PCYOX1L: variants seen among roughly 807,000 people sequenced by gnomAD.
PCYOX1L encodes prenylcysteine oxidase 1 like.
A neutral mutation model predicts 44.1 loss-of-function variants in PCYOX1L; 40 were observed. The observed-to-expected ratio is 0.91, with a 90% CI of 0.70 to 1.18. The LOEUF is 1.18. PCYOX1L is among the 50% of genes most tolerant of loss of function. The pLI is 0.00. For synonymous variants in PCYOX1L, 266 were observed against 282.8 expected (o/e 0.94, Z 0.60); for missense variants, 605 against 653.3 (o/e 0.93, Z 0.81).
In PCYOX1L at chr5:149,368,827, T is replaced by G. The variant is rs562176837; in HGVS notation, c.*173T>G. Reference sequence around the variant, plus strand: ...CTATATTAAGGGTCCACACGGCGGCTGCTGCTTTTTTTTAAGGGGGAAAGT... The same window carrying G: ...CTATATTAAGGGTCCACACGGCGGCGGCTGCTTTTTTTTAAGGGGGAAAGT... On this transcript the variant is annotated 3_prime_UTR_variant, in exon 6 of 6. Transcript: ENST00000274569. 50 of 486,332 alleles carry G rather than the reference T, an allele frequency of 1.0e-4. No homozygotes were observed. The highest frequency in any genetic ancestry group is 8.4e-4 in the South Asian group (9 of 10,694). 30.1% of individuals were successfully genotyped at this position (486,332 alleles called of 1,614,324 possible). A position where few individuals can be genotyped will look rare whatever the true frequency, so the allele number is the denominator to read the frequency against.
intron 1 of PCYOX1L, among the ~76,000 whole-genome samples, chr5:149,360,800 CAAG>C (rs1757986530): frequency 6.6e-6 from 1 of 152,144 alleles, no homozygotes; most frequent in African/African-American, 2.4e-5. Flanking sequence ...CCTAGACAGA[CAAG>C]AAGGTGGCAT....
At position 149,368,442 on chromosome 5, in the gene PCYOX1L, C is replaced by T. The variant is rs1429561822; in HGVS notation, c.1273C>T (p.His425Tyr). The T allele has an allele frequency of 1.9e-6, 3 of 1,613,966 alleles. No individual in the cohort carries two copies. Among genetic ancestry groups the T allele is most frequent in the Non-Finnish European group, 2.5e-6 (3 of 1,179,978 alleles). ...YSVQTAEWQAHPLYGSRPTLP... is the reference protein window; with the variant it reads ...YSVQTAEWQAYPLYGSRPTLP... ...AGTGCAGACAGCTGAGTGGCAGGCC[C>T]ATCCCCTCTATGGCTCCCGCCCCAC... The change falls in exon 6 of 6, where the codon CAT becomes TAT. Residue 425 changes from histidine to tyrosine, a missense_variant. By Grantham distance (83) the His-to-Tyr change is moderately conservative (BLOSUM62 2). Transcript: ENST00000274569.
chr5:149,368,527 C>G lies in PCYOX1L; in HGVS notation c.1358C>G (p.Ala453Gly), dbSNP rs373404735. Residue 453 changes from alanine (A) to glycine (G), a missense_variant, in exon 6 of 6, where the codon GCC (alanine) becomes GGC (glycine). Ala to Gly is a moderately conservative substitution (Grantham distance 60). Transcript: ENST00000274569. The stretch of plus-strand genomic sequence containing the variant: ...TACCTCAATGCCCTGGAGTGGGCGG[C>G]CAGCTCCGTGGAGGTGATGGCCGTG... ...LFYLNALEWA[A>G]SSVEVMAVAA... is the part of the protein sequence containing the mutation. 6.2e-7 allele frequency: 1 copy of G among 1,609,980 alleles called. No homozygotes were observed. Among genetic ancestry groups the G allele is most frequent in the Non-Finnish European group, 8.5e-7 (1 of 1,178,130 alleles).
rs746495439 is a variant in PCYOX1L at position 149,364,071 on chromosome 5, G to A, written c.331G>A (p.Ala111Thr). ...RHRREVVGRSAIFGGEHFMLE... is the reference protein window; with the variant it reads ...RHRREVVGRSTIFGGEHFMLE... ...CCGGCGCGAGGTGGTGGGCAGGAGC[G>A]CCATCTTCGGCGGGGAGCACTTCAT... is the stretch of plus-strand genomic sequence containing the variant. Residue 111 changes from alanine to threonine, a missense_variant, in exon 3 of 6, where the codon GCC (alanine) becomes ACC (threonine). Physicochemically the swap from Ala to Thr is moderately conservative, Grantham distance 58. Coordinates refer to ENST00000274569, the MANE Select transcript of PCYOX1L (RefSeq NM_024028.4). 1.2e-5 allele frequency: 20 copies of A among 1,613,956 alleles called. No homozygotes were observed. In the Admixed American group the frequency reaches 1.3e-4, roughly 11 times the overall value.
At chr5:149,360,475 G>T (rs1437604877) in intron 1 of PCYOX1L, among the ~76,000 whole-genome samples, 1 of 152,080 alleles carries the variant, frequency 6.6e-6, no homozygotes, top group East Asian at 1.9e-4. Context: ...AGAGGAAGTG[G>T]TTTATTCTTT....
rs757380710 is a variant in PCYOX1L, at chr5:149,367,512, G to A, written c.823+12G>A. The A allele has an allele frequency of 1.2e-6, 2 of 1,610,972 alleles. No individual in the cohort carries two copies. The highest frequency in any genetic ancestry group is 1.7e-6 in the Non-Finnish European group (2 of 1,178,970). On this transcript the variant is annotated intron_variant, in intron 5 of 5. Coordinates refer to ENST00000274569, the MANE Select transcript of PCYOX1L (RefSeq NM_024028.4). ...CCTGCACAGCACAGGTGAGTAGACA[G>A]GGCGGGAGTGGGCAGGCATGCCATT...
At chr5:149,367,597 C>T in intron 5 of PCYOX1L, 97 bp downstream of exon 5, 1 of 1,500,908 alleles carries the variant, frequency 6.7e-7, no homozygotes, top group Admixed American at 2.5e-5. Flanking sequence ...CTGTGATCCC[C>T]CTGGGGAGTA....
chr5:149,365,576 G>A lies in PCYOX1L; in HGVS notation c.471-366G>A, dbSNP rs1441553799. The A allele has an allele frequency of 1.1e-5, 3 of 271,010 alleles. No individual in the cohort carries two copies. The Admixed American group carries it at 1.5e-4, about 13-fold the overall frequency. The allele number at this position is 271,010 out of a possible 1,614,324, so 16.8% of individuals were successfully genotyped here. A position where few individuals can be genotyped will look rare whatever the true frequency, so the allele number is the denominator to read the frequency against. ...AGGTCCTAGAAGCTGTGGCAGAACC[G>A]ACACTGTTGGAGAAGGAGATGTGTC... On this transcript the variant is annotated intron_variant, in intron 3 of 5. Transcript: ENST00000274569.
chr5:149,362,389 C>T, intron 1 of PCYOX1L: 1 of 525,966 alleles, frequency 1.9e-6, no homozygotes, highest in South Asian at 2.3e-5. Flanking sequence ...CTTTGCTGGT[C>T]TTTTGCTGCA....
chr5:149,364,495 A>C (rs1581370336), intron 3 of PCYOX1L: 1 of 308,418 alleles, frequency 3.2e-6, no homozygotes, highest in East Asian at 6.3e-5. Context: ...CAAGGGCTGA[A>C]CTGGGATGCG....
At chr5:149,365,727 A>G (rs1403639810) in intron 3 of PCYOX1L, 1 of 594,472 alleles carries the variant, frequency 1.7e-6, no homozygotes, top group East Asian at 2.8e-5. Flanking sequence ...AGCCAGGCCT[A>G]GAAGGATTCC....
chr5:149,364,191 G>A lies in PCYOX1L; in HGVS notation c.451G>A (p.Val151Ile). 1 of 1,614,026 alleles carries A rather than the reference G, an allele frequency of 6.2e-7. No individual in the cohort carries two copies. Among genetic ancestry groups the A allele is most frequent in the Non-Finnish European group, 8.5e-7 (1 of 1,179,940 alleles). The stretch of plus-strand genomic sequence containing the variant: ...GAGGCTGCAGATGTGGGTGGAGGAG[G>A]TCATGGAGAAGTTCATGAGGTAGGG... The part of the protein sequence containing the change: ...FLRLQMWVEE[V>I]MEKFMRIYKY... The change falls in exon 3 of 6, where the codon GTC becomes ATC. Residue 151 changes from valine to isoleucine, a missense_variant. Transcript: ENST00000274569.
chr5:149,368,149 G>A lies in PCYOX1L; in HGVS notation c.980G>A (p.Gly327Asp), dbSNP rs770999564. 5 of 1,613,404 alleles carry A rather than the reference G, an allele frequency of 3.1e-6. No homozygotes were observed. Among genetic ancestry groups the A allele is most frequent in the Non-Finnish European group, 4.2e-6 (5 of 1,179,620 alleles). The change falls in exon 6 of 6, where the codon GGC becomes GAC. Residue 327 changes from glycine to aspartate, a missense_variant. By Grantham distance (94) the Gly-to-Asp change is moderately conservative. Transcript: ENST00000274569. ...CACCCGCCCATTGATGACGTGCAGG[G>A]CTCTTTCCAGCCCACCGTCGTCTCC... Reference protein sequence around the residue: ...GFHPPIDDVQGSFQPTVVSLV... With the variant: ...GFHPPIDDVQDSFQPTVVSLV...
In PCYOX1L at chr5:149,366,160, G is replaced by A. The variant is rs368302875; in HGVS notation, c.682+7G>A. 8 of 1,608,768 alleles carry A rather than the reference G, an allele frequency of 5.0e-6. No homozygotes were observed. Among genetic ancestry groups the A allele is most frequent in the South Asian group, 2.2e-5 (2 of 90,932 alleles). On this transcript the variant is annotated splice_region_variant and intron_variant, in intron 4 of 5. Transcript: ENST00000274569. ...GCGATGCCCGCCTTTGCAGGTAAGC[G>A]TCCAACCCTTGGCCTGCCCACCTGC...
At chr5:149,359,472 T>C (rs1367818839) in intron 1 of PCYOX1L, among the ~76,000 whole-genome samples, 1 of 152,074 alleles carries the variant, frequency 6.6e-6, no homozygotes, top group Non-Finnish European at 1.5e-5. Flanking sequence ...TGTGGAAGAG[T>C]TAGGCAGGCA....
Position 149,368,806 on chromosome 5 carries a change from A to G in PCYOX1L, c.*152A>G. On this transcript the variant is annotated 3_prime_UTR_variant, in exon 6 of 6. Coordinates refer to ENST00000274569, the MANE Select transcript of PCYOX1L (RefSeq NM_024028.4). ...TCCAGGTGACCTACTGTCTGCCTAT[A>G]TTAAGGGTCCACACGGCGGCTGCTG... 1.5e-6 allele frequency: 1 copy of G among 673,700 alleles called. No individual in the cohort carries two copies. The allele number at this position is 673,700 out of a possible 1,614,324, so 41.7% of individuals were successfully genotyped here.
chr5:149,368,461 G>T lies in PCYOX1L; in HGVS notation c.1292G>T (p.Arg431Leu), dbSNP rs372886113. The T allele has an allele frequency of 1.8e-5, 29 of 1,612,838 alleles. No homozygotes were observed. The highest frequency in any genetic ancestry group is 2.4e-5 in the Non-Finnish European group (28 of 1,179,634). The change falls in exon 6 of 6, where the codon CGC becomes CTC. Residue 431 changes from arginine (R) to leucine (L), a missense_variant. Physicochemically the swap from Arg to Leu is moderately radical, Grantham distance 102. Transcript: ENST00000274569. ...EWQAHPLYGS[R>L]PTLPRFALHD... is the part of the protein sequence containing the mutation. ...CAGGCCCATCCCCTCTATGGCTCCCGCCCCACGCTCCCGAGGTTTGCACTC... is the reference window on the plus strand; with the variant it reads ...CAGGCCCATCCCCTCTATGGCTCCCTCCCCACGCTCCCGAGGTTTGCACTC...
rs779028344 is a variant in PCYOX1L at position 149,368,120 on chromosome 5, C to A, written c.951C>A (p.Gly317=). The change falls in exon 6 of 6, where the codon GGC becomes GGA. Residue 317 remains glycine (G), a synonymous_variant. Transcript: ENST00000274569. Reference sequence around the variant, plus strand: ...GCAGCAGCAACTTAACCTTTGCAGGCTTCCACCCGCCCATTGATGACGTGC... The same window carrying A: ...GCAGCAGCAACTTAACCTTTGCAGGATTCCACCCGCCCATTGATGACGTGC... ...DNSSSNLTFA[G]FHPPIDDVQG... 14 of 1,613,042 alleles carry A rather than the reference C, an allele frequency of 8.7e-6. No homozygotes were observed. In the East Asian group the frequency reaches 3.1e-4, roughly 36 times the overall value.
At chr5:149,367,900 A>C in intron 5 of PCYOX1L, 93 bp from the exon 6 acceptor site, 1 of 1,345,508 alleles carries the variant, frequency 7.4e-7, no homozygotes, top group Non-Finnish European at 1.0e-6. Flanking sequence ...CCTGAGCACC[A>C]GGGTCTCGTT....
Sources: gnomAD v4.1 joint callset for allele counts (sites outside exome capture counted in the v4.1 genomes callset) on GRCh38, gnomAD v4.1.1 for gene constraint, MANE v1.5 for transcripts, NCBI Gene and HGNC (gene_info 2026-07-23, HGNC 2026-07-21) for gene names.